Variants in KCNAB1 observed in about 807,000 individuals in gnomAD.
KCNAB1 encodes voltage-gated potassium channel subunit beta-1.
In KCNAB1, 35 loss-of-function variants were observed where a neutral mutation model predicts 64.6. The ratio of observed to expected loss-of-function variants is 0.54; its 90% CI spans 0.41 to 0.72. The LOEUF (loss-of-function observed/expected upper bound fraction) is 0.72, where lower values mean the gene tolerates loss of function less well. Ranked by LOEUF, KCNAB1 falls within the 30% of genes least tolerant of loss-of-function variation. The pLI is 0.00. For synonymous variants in KCNAB1, 177 were observed against 183.8 expected (o/e 0.96, Z 0.30); for missense variants, 401 against 512.9 (o/e 0.78, Z 2.11).
chr3:156,172,994 G>A (rs1170124259), intron 1 of KCNAB1, among the ~76,000 whole-genome samples: 1 of 152,184 alleles, frequency 6.6e-6, no homozygotes, highest in Non-Finnish European at 1.5e-5. Flanking sequence ...ATTCACTTGT[G>A]GACCTTAAAC....
chr3:156,484,479 T>G (rs952290827), intron 8 of KCNAB1, among the ~76,000 whole-genome samples: 1 of 152,136 alleles, frequency 6.6e-6, no homozygotes, highest in Non-Finnish European at 1.5e-5. Context: ...CATGTGCACT[T>G]CCTTCTGTGA....
At chr3:156,326,815 A>G (rs1271801696) in intron 1 of KCNAB1, among the ~76,000 whole-genome samples, 1 of 152,106 alleles carries the variant, frequency 6.6e-6, no homozygotes, top group Non-Finnish European at 1.5e-5. Flanking sequence ...AGTGGTAATC[A>G]CTGTCATTGT....
chr3:156,158,393 A>C (rs529274150), intron 1 of KCNAB1, among the ~76,000 whole-genome samples: 97 of 152,214 alleles, frequency 6.4e-4, no homozygotes, highest in Admixed American at 2.8e-3. Flanking sequence ...TTTACAAATA[A>C]ATACTCTTAC....
intron 1 of KCNAB1, chr3:156,273,517 GT>G (rs1335971203): frequency 2.9e-4 from 130 of 451,514 alleles, no homozygotes; most frequent in Non-Finnish European, 4.2e-4. Flanking sequence ...CCAATACACA[GT>G]TTTACAATTG....
chr3:156,432,470 C>G (rs558826052), intron 2 of KCNAB1, among the ~76,000 whole-genome samples: 1 of 152,228 alleles, frequency 6.6e-6, no homozygotes, highest in Admixed American at 6.5e-5. Flanking sequence ...GAGAGAGAAG[C>G]AGAAAATACC....
chr3:156,166,526 T>TACAC (rs1553811797), intron 1 of KCNAB1, among the ~76,000 whole-genome samples: 51 of 143,716 alleles, frequency 3.5e-4, no homozygotes, highest in African/African-American at 1.3e-3. Flanking sequence ...AAAAAATACA[T>TACAC]ATATACACAC....
intron 1 of KCNAB1, chr3:156,143,087 A>G: frequency 1.4e-6 from 2 of 1,464,382 alleles, no homozygotes; most frequent in East Asian, 2.4e-5. Flanking sequence ...GACATACTGA[A>G]GCCAGATAAC....
At chr3:156,201,032 G>A (rs1048399569) in intron 1 of KCNAB1, among the ~76,000 whole-genome samples, 8 of 152,190 alleles carry the variant, frequency 5.3e-5, no homozygotes, top group South Asian at 2.1e-4. Flanking sequence ...GGGCCAGATA[G>A]CACAGTCTCT....
At chr3:156,357,053 T>G (rs2108098154) in intron 1 of KCNAB1, among the ~76,000 whole-genome samples, 1 of 152,176 alleles carries the variant, frequency 6.6e-6, no homozygotes, top group East Asian at 1.9e-4. Flanking sequence ...ACAAACAAAC[T>G]CTCTATGGCC....
intron 1 of KCNAB1, chr3:156,218,113 T>G (rs1427391476): frequency 6.6e-6 from 1 of 152,294 alleles, no homozygotes; most frequent in Admixed American, 6.5e-5. Flanking sequence ...TTCTCAGCCC[T>G]GGTCACCAGC....
chr3:156,359,512 C>T (rs17309427), intron 1 of KCNAB1, among the ~76,000 whole-genome samples: 21,791 of 152,192 alleles, frequency 0.14, 1,787 homozygotes, highest in Middle Eastern at 0.22. Flanking sequence ...CATCTCAGAT[C>T]GGTTGACTGT....
chr3:156,248,562 A>G (rs964399335), intron 1 of KCNAB1, among the ~76,000 whole-genome samples: 6 of 149,236 alleles, frequency 4.0e-5, no homozygotes, highest in African/African-American at 1.2e-4. Context: ...TGTAAGTACT[A>G]TAGAATGAAT....
chr3:156,222,182 T>C (rs1037157764), intron 1 of KCNAB1, among the ~76,000 whole-genome samples: 4 of 152,166 alleles, frequency 2.6e-5, no homozygotes, highest in African/African-American at 9.7e-5. Flanking sequence ...TTCAGTAGAC[T>C]CACCTAACAT....
At position 156,213,030 on chromosome 3, in the gene KCNAB1, C is replaced by T. The variant is rs1039948355; in HGVS notation, c.275+92144C>T. 5.3e-5 allele frequency among the ~76,000 whole-genome samples: 8 copies of T among 151,982 alleles called. No homozygotes were observed. In the South Asian group the frequency reaches 1.2e-3, roughly 24 times the overall value. Reference sequence around the variant, plus strand: ...TATTTGGAGAATAGATTTGGTGGGACGAGTGGAAGCAGGGAGATCTGGGCC... The same window carrying T: ...TATTTGGAGAATAGATTTGGTGGGATGAGTGGAAGCAGGGAGATCTGGGCC... On this transcript the variant is annotated intron_variant, in intron 1 of 13. Transcript: ENST00000490337.
intron 1 of KCNAB1, among the ~76,000 whole-genome samples, chr3:156,395,361 C>T (rs1292154682): frequency 2.7e-5 from 4 of 148,814 alleles, no homozygotes; most frequent in Non-Finnish European, 3.0e-5. Flanking sequence ...CCGGCTAAAA[C>T]GGTGAAACCC....
intron 1 of KCNAB1, among the ~76,000 whole-genome samples, chr3:156,382,613 TG>T (rs1208153432): frequency 6.6e-6 from 1 of 152,236 alleles, no homozygotes; most frequent in Non-Finnish European, 1.5e-5. Context: ...CACTAGCTTC[TG>T]GGAACCAAGT....
rs143855127 is a variant in KCNAB1, at chr3:156,390,686, C to T, written c.276-30930C>T. ...CAAGCTCTGCCTCCTGGGTTCACGC[C>T]ATTCTCCTGCCTCAGCCTCCCGAGT... On this transcript the variant is annotated intron_variant, in intron 1 of 13. Transcript: ENST00000490337. 7.7e-3 allele frequency among the ~76,000 whole-genome samples: 1,168 copies of T among 152,124 alleles called. 18 individuals carry two copies. Among genetic ancestry groups the T allele is most frequent in the African/African-American group, 0.027 (1,121 of 41,488 alleles).
intron 1 of KCNAB1, among the ~76,000 whole-genome samples, chr3:156,348,388 A>G (rs1028588400): frequency 7.9e-5 from 12 of 152,170 alleles, no homozygotes; most frequent in Non-Finnish European, 1.3e-4. Context: ...GGTGGCAGGA[A>G]AGGTTCAGGG....
At chr3:156,336,854 C>T (rs767579484) in intron 1 of KCNAB1, among the ~76,000 whole-genome samples, 8 of 152,152 alleles carry the variant, frequency 5.3e-5, no homozygotes, top group Non-Finnish European at 7.3e-5. Context: ...AACTTTCACA[C>T]GAGAAATCCA....
Sources: allele counts gnomAD v4.1 joint callset (sites outside exome capture counted in the v4.1 genomes callset), GRCh38; gene constraint gnomAD v4.1.1; transcripts MANE v1.5; gene names NCBI Gene and HGNC (gene_info 2026-07-23, HGNC 2026-07-21).